Variants in BTG4 observed in about 807,000 individuals in gnomAD.
BTG4 encodes BTG anti-proliferation factor 4.
A neutral mutation model predicts 19.3 loss-of-function variants in BTG4; 10 were observed. That is an observed-to-expected ratio of 0.52 (90% CI 0.32 to 0.88). BTG4 has a LOEUF of 0.88. BTG4 is among the 40% of genes least tolerant of loss of function. The pLI is 0.04. For missense variants in BTG4, 238 were observed against 281.9 expected (o/e 0.84, Z 1.11); for synonymous variants, 91 against 95.7 (o/e 0.95, Z 0.29).
At chr11:111,501,741 A>G (rs1319470340) in intron 1 of BTG4, among the ~76,000 whole-genome samples, 1 of 152,218 alleles carries the variant, frequency 6.6e-6, no homozygotes, top group Non-Finnish European at 1.5e-5. Context: ...TGGTCATTAT[A>G]TATTGTACAC....
intron 5 of BTG4, among the ~76,000 whole-genome samples, chr11:111,468,580 A>C (rs537030120): frequency 6.6e-6 from 1 of 152,332 alleles, no homozygotes; most frequent in Admixed American, 6.5e-5. Flanking sequence ...ATTCCAAACT[A>C]CCTGAAGTTT....
the BTG4 span, chr11:111,461,782 C>G: frequency 3.3e-5 from 5 of 152,686 alleles, no homozygotes; most frequent in East Asian, 5.8e-4. Flanking sequence ...TCATAGATAC[C>G]CAAGGTCAGG....
At chr11:111,473,203 A>G (rs1041983801) in intron 5 of BTG4, 17 of 152,542 alleles carry the variant, frequency 1.1e-4, no homozygotes, top group African/African-American at 3.1e-4. Context: ...AAAATTGTAC[A>G]TAGTACTCTC....
chr11:111,513,694 T>G (rs1244472674), upstream of BTG4, among the ~76,000 whole-genome samples: 1 of 149,044 alleles, frequency 6.7e-6, no homozygotes, highest in African/African-American at 2.5e-5. Flanking sequence ...TTTTGTTTTG[T>G]TTTTTTTTCA....
the BTG4 span, among the ~76,000 whole-genome samples, chr11:111,432,571 G>A: frequency 2.0e-4 from 31 of 152,138 alleles, no homozygotes; most frequent in Non-Finnish European, 4.3e-4. Flanking sequence ...TAGAACCCAG[G>A]AGGCAGAGGT....
chr11:111,456,166 CA>C, the BTG4 span, among the ~76,000 whole-genome samples: 1 of 152,178 alleles, frequency 6.6e-6, no homozygotes, highest in East Asian at 1.9e-4. This position sits in a 1 kb window ranked among gnomAD's most constrained non-coding sequence, Gnocchi z 4.2. Flanking sequence ...AAAAGCCTGG[CA>C]GATGAAGGCA....
At chr11:111,489,763 T>C (rs1865300120) in intron 5 of BTG4, among the ~76,000 whole-genome samples, 1 of 151,824 alleles carries the variant, frequency 6.6e-6, no homozygotes, top group African/African-American at 2.4e-5. Context: ...ACAAATATTA[T>C]ATGTTCTCAT....
At chr11:111,384,043 GAAAAATTCT>G in the BTG4 span, among the ~76,000 whole-genome samples, 2 of 152,260 alleles carry the variant, frequency 1.3e-5, no homozygotes, top group Admixed American at 1.3e-4. Flanking sequence ...TGATGCTATA[GAAAAATTCT>G]AATATTTGAG....
At chr11:111,435,498 G>C in the BTG4 span, among the ~76,000 whole-genome samples, 3 of 152,182 alleles carry the variant, frequency 2.0e-5, no homozygotes, top group Non-Finnish European at 4.4e-5. Context: ...TACCGCTCAG[G>C]GTTTTGTTTC....
the BTG4 span, chr11:111,397,104 TA>T: frequency 6.6e-6 from 1 of 152,232 alleles, no homozygotes; most frequent in Non-Finnish European, 1.5e-5. Context: ...GTTCGTTTCC[TA>T]TTTTCCCTAA....
At chr11:111,455,983 G>A in the BTG4 span, 7 of 342,224 alleles carry the variant, frequency 2.0e-5, no homozygotes, top group Non-Finnish European at 3.7e-5. Context: ...ACACCCAGCA[G>A]GGGAGGAGAG....
At chr11:111,409,031 A>G in the BTG4 span, among the ~76,000 whole-genome samples, 1 of 152,242 alleles carries the variant, frequency 6.6e-6, no homozygotes, top group Non-Finnish European at 1.5e-5. Flanking sequence ...GCAGTTAGCC[A>G]AGGGAAAAAG....
chr11:111,415,877 A>G, the BTG4 span: 1 of 152,074 alleles, frequency 6.6e-6, no homozygotes, highest in African/African-American at 2.4e-5. Flanking sequence ...TGTCTCTACT[A>G]AAAATCAAGA....
the BTG4 span, among the ~76,000 whole-genome samples, chr11:111,403,144 C>T: frequency 6.6e-6 from 1 of 152,196 alleles, no homozygotes; most frequent in Non-Finnish European, 1.5e-5. Context: ...GAGCTCTTAA[C>T]TCGAGCATGA....
At chr11:111,505,470 A>G (rs1254763070) in intron 1 of BTG4, among the ~76,000 whole-genome samples, 1 of 152,102 alleles carries the variant, frequency 6.6e-6, no homozygotes, top group Non-Finnish European at 1.5e-5. Context: ...TACAAAATTA[A>G]CTATAGATGG....
intron 5 of BTG4, among the ~76,000 whole-genome samples, chr11:111,472,631 A>G (rs1864142741): frequency 6.6e-6 from 1 of 152,154 alleles, no homozygotes; most frequent in Admixed American, 6.5e-5. Flanking sequence ...TTCCCTGACT[A>G]TCCAATCTTA....
chr11:111,439,061 G>A, the BTG4 span, among the ~76,000 whole-genome samples: 2 of 152,188 alleles, frequency 1.3e-5, no homozygotes, highest in African/African-American at 2.4e-5. Flanking sequence ...ACACCCACCC[G>A]CTGGGCAGCT....
the BTG4 span, among the ~76,000 whole-genome samples, chr11:111,395,828 C>G: frequency 2.6e-5 from 4 of 152,194 alleles, no homozygotes; most frequent in African/African-American, 9.7e-5. Flanking sequence ...CTAGGCAATG[C>G]CCCCTTTGAA....
upstream of BTG4, chr11:111,514,246 T>G: frequency 6.3e-6 from 1 of 159,120 alleles, no homozygotes; most frequent in Non-Finnish European, 1.4e-5. Flanking sequence ...TTCCTAAGAT[T>G]TAAAGGATTC....
Sources: gnomAD v4.1 joint callset for allele counts (sites outside exome capture counted in the v4.1 genomes callset) on GRCh38, gnomAD v4.1.1 for gene constraint, Gnocchi (gnomAD v3.1) non-coding constraint, MANE v1.5 for transcripts, NCBI Gene and HGNC (gene_info 2026-07-23, HGNC 2026-07-21) for gene names.